The following TMEM132C variants were observed in gnomAD, a reference collection of about 807,000 sequenced individuals.
TMEM132C encodes protein phosphatase 1, regulatory subunit 152.
TMEM132C carries 29 observed loss-of-function variants against 61.4 expected under a neutral mutation model. That is an observed-to-expected ratio of 0.47 (90% CI 0.35 to 0.64). The LOEUF is 0.64. Among genes scored for constraint, TMEM132C ranks in the 30% least tolerant of loss-of-function variants. The pLI, the probability that TMEM132C is intolerant of heterozygous loss-of-function variation, is 0.00. For synonymous variants in TMEM132C, 656 were observed against 633.1 expected (o/e 1.04, Z -0.54); for missense variants, 1,408 against 1,476.9 (o/e 0.95, Z 0.76).
intron 2 of TMEM132C, among the ~76,000 whole-genome samples, chr12:128,497,184 C>T (rs146293007): frequency 6.6e-6 from 1 of 152,224 alleles, no homozygotes; most frequent in African/African-American, 2.4e-5. Flanking sequence ...CCTGATCGTT[C>T]CTCTGGAAGC....
intron 3 of TMEM132C, among the ~76,000 whole-genome samples, chr12:128,607,411 G>A (rs541714176): frequency 3.4e-4 from 51 of 152,154 alleles, no homozygotes; most frequent in Non-Finnish European, 6.8e-4. Context: ...TCTCTGGCCC[G>A]AGTCACATCT....
intron 3 of TMEM132C, among the ~76,000 whole-genome samples, chr12:128,615,203 T>C (rs952081404): frequency 1.3e-5 from 2 of 152,094 alleles, no homozygotes; most frequent in Non-Finnish European, 1.5e-5. Flanking sequence ...TTGAAGGTGC[T>C]ATTGAGTGAG....
intron 2 of TMEM132C, among the ~76,000 whole-genome samples, chr12:128,529,521 C>T (rs559787871): frequency 8.5e-5 from 13 of 152,266 alleles, no homozygotes; most frequent in Admixed American, 2.6e-4. Flanking sequence ...TGGTGGCTTA[C>T]GCTTGTAATC....
At chr12:128,307,911 C>T (rs971583763) in intron 1 of TMEM132C, among the ~76,000 whole-genome samples, 3 of 152,194 alleles carry the variant, frequency 2.0e-5, no homozygotes, top group Middle Eastern at 6.3e-3. Context: ...GGGGAGCTGC[C>T]CCTCCCTGAC....
rs527591963 is a variant in TMEM132C, at chr12:128,665,253, A to C, written c.1306-4164A>C. 2.7e-5 allele frequency among the ~76,000 whole-genome samples: 4 copies of C among 150,410 alleles called. No homozygotes were observed. In the South Asian group the frequency reaches 6.4e-4, roughly 24 times the overall value. On this transcript the variant is annotated intron_variant, in intron 4 of 8. Coordinates refer to ENST00000435159, the MANE Select transcript of TMEM132C (RefSeq NM_001136103.3). The stretch of plus-strand genomic sequence containing the variant: ...CACACAGGCTCGCACACACATAGGC[A>C]CTCGCACATACACAAACAGGCACAC...
intron 5 of TMEM132C, among the ~76,000 whole-genome samples, chr12:128,680,909 C>T (rs561845888): frequency 1.3e-5 from 2 of 152,298 alleles, no homozygotes; most frequent in East Asian, 1.9e-4. Flanking sequence ...TTAAGTCTCA[C>T]GGACCTTGCA....
At chr12:128,524,971 T>G (rs1439078183) in intron 2 of TMEM132C, among the ~76,000 whole-genome samples, 1 of 152,220 alleles carries the variant, frequency 6.6e-6, no homozygotes, top group Non-Finnish European at 1.5e-5. Flanking sequence ...CACTGCCCAC[T>G]GTAGCAGTTG....
chr12:128,551,214 CCCCCT>C (rs1418532258), intron 3 of TMEM132C, among the ~76,000 whole-genome samples: 3 of 150,220 alleles, frequency 2.0e-5, no homozygotes, highest in African/African-American at 7.6e-5. Flanking sequence ...TAAGAGCCCC[CCCCCT>C]CCCGCTTCCT....
chr12:128,364,431 C>T (rs968222382), intron 1 of TMEM132C, among the ~76,000 whole-genome samples: 3 of 152,112 alleles, frequency 2.0e-5, no homozygotes, highest in Non-Finnish European at 4.4e-5. Context: ...GGGGACCCGT[C>T]GCTCACACAG....
intron 2 of TMEM132C, among the ~76,000 whole-genome samples, chr12:128,516,602 G>GA (rs11353244): frequency 1.7e-4 from 25 of 150,686 alleles, no homozygotes; most frequent in African/African-American, 5.7e-4. Flanking sequence ...CCAAAGGAGG[G>GA]AAAAAAAAAA....
intron 1 of TMEM132C, among the ~76,000 whole-genome samples, chr12:128,277,844 G>C (rs1375858292): frequency 6.6e-6 from 1 of 152,098 alleles, no homozygotes; most frequent in Admixed American, 6.5e-5. Context: ...AAATTAGGAA[G>C]GTGGCCTTCT....
At chr12:128,641,062 G>A (rs143543495) in intron 4 of TMEM132C, among the ~76,000 whole-genome samples, 2 of 152,326 alleles carry the variant, frequency 1.3e-5, no homozygotes, top group African/African-American at 4.8e-5. Context: ...GGTTCCCAGA[G>A]GGAGGAGTGC....
At chr12:128,526,159 T>C (rs1873078275) in intron 2 of TMEM132C, among the ~76,000 whole-genome samples, 1 of 152,236 alleles carries the variant, frequency 6.6e-6, no homozygotes, top group Non-Finnish European at 1.5e-5. Context: ...CTCTTCTAGA[T>C]GCCAGAAATA....
intron 2 of TMEM132C, among the ~76,000 whole-genome samples, chr12:128,429,423 T>C (rs569925827): frequency 6.6e-6 from 1 of 152,320 alleles, no homozygotes; most frequent in East Asian, 1.9e-4. Flanking sequence ...AACCAATTGC[T>C]TATCAGGCTG....
intron 3 of TMEM132C, among the ~76,000 whole-genome samples, chr12:128,604,720 A>T (rs1876350866): frequency 6.6e-6 from 1 of 152,266 alleles, no homozygotes; most frequent in South Asian, 2.1e-4. Context: ...TAGATAAATA[A>T]TAGATGGAAG....
intron 5 of TMEM132C, among the ~76,000 whole-genome samples, chr12:128,674,828 G>A (rs1019867367): frequency 6.8e-5 from 10 of 147,496 alleles, no homozygotes; most frequent in East Asian, 6.0e-4. Context: ...CTTGCCTCCC[G>A]CCCCCAAAAT....
At chr12:128,683,212 G>C (rs986473507) in intron 5 of TMEM132C, among the ~76,000 whole-genome samples, 1 of 152,104 alleles carries the variant, frequency 6.6e-6, no homozygotes, top group Non-Finnish European at 1.5e-5. Flanking sequence ...CTGTCTGCCC[G>C]GCCCTCTACA....
chr12:128,340,530 A>G (rs917076115), intron 1 of TMEM132C, among the ~76,000 whole-genome samples: 1 of 149,694 alleles, frequency 6.7e-6, no homozygotes, highest in African/African-American at 2.5e-5. Context: ...AAGACCCAGT[A>G]TATTAATGGC....
chr12:128,561,606 C>T (rs181325393), intron 3 of TMEM132C, among the ~76,000 whole-genome samples: 48 of 152,228 alleles, frequency 3.2e-4, no homozygotes, highest in African/African-American at 1.1e-3. Context: ...ACCGTGTGGA[C>T]GTCATTGTTG....
Sources: gnomAD v4.1 joint callset for allele counts (sites outside exome capture counted in the v4.1 genomes callset) on GRCh38, gnomAD v4.1.1 for gene constraint, MANE v1.5 for transcripts, NCBI Gene and HGNC (gene_info 2026-07-23, HGNC 2026-07-21) for gene names.